Variants in NOXRED1 observed in about 807,000 individuals in gnomAD.
NOXRED1 encodes the protein NADP-dependent oxidoreductase domain-containing protein 1.
NOXRED1 carries 20 observed loss-of-function variants against 30.4 expected under a neutral mutation model. That is an observed-to-expected ratio of 0.66 (90% CI 0.46 to 0.96). NOXRED1 has a LOEUF of 0.96. NOXRED1 is among the 40% of genes least tolerant of loss of function. The pLI is 0.00. For synonymous variants in NOXRED1, 155 were observed against 168.0 expected, an observed-to-expected ratio of 0.92 and a Z score of 0.60; for missense variants, 374 against 428.0, an observed-to-expected ratio of 0.87 and a Z score of 1.11.
chr14:77,420,406 T>A, intron 1 of NOXRED1, among the ~76,000 whole-genome samples: 1 of 151,894 alleles, frequency 6.6e-6, no homozygotes, highest in East Asian at 1.9e-4. Context: ...AGAGACAGGG[T>A]CTCACTATGT....
At chr14:77,400,638 C>A (rs1313532404) in intron 5 of NOXRED1, among the ~76,000 whole-genome samples, 1 of 152,066 alleles carries the variant, frequency 6.6e-6, no homozygotes, top group African/African-American at 2.4e-5. Flanking sequence ...TTTTGATGAG[C>A]CTTTCACTGA....
intron 5 of NOXRED1, among the ~76,000 whole-genome samples, chr14:77,400,136 G>A (rs1396268890): frequency 6.6e-6 from 1 of 152,176 alleles, no homozygotes; most frequent in Non-Finnish European, 1.5e-5. Context: ...TAAAGTGAAG[G>A]AGAAATAAAG....
intron 2 of NOXRED1, among the ~76,000 whole-genome samples, chr14:77,408,417 A>C (rs1893477969): frequency 6.6e-6 from 1 of 151,706 alleles, no homozygotes; most frequent in African/African-American, 2.4e-5. Context: ...GTTGGCCTCA[A>C]ACCCCAGGAC....
intron 5 of NOXRED1, 31 bp downstream of exon 5, chr14:77,405,882 A>C: frequency 7.6e-7 from 1 of 1,319,344 alleles, no homozygotes; most frequent in Non-Finnish European, 1.1e-6. Context: ...TCTGGGAGAA[A>C]TGAGAATGGC....
intron 5 of NOXRED1, among the ~76,000 whole-genome samples, chr14:77,399,920 T>G (rs1434903166): frequency 3.3e-5 from 5 of 151,704 alleles, no homozygotes; most frequent in Non-Finnish European, 5.9e-5. Context: ...CAAGAAACTA[T>G]ACCTAAACAT....
Position 77,405,924 on chromosome 14 carries a change from C to A in NOXRED1, c.894G>T (p.Leu298Phe), listed in dbSNP as rs779319748. 1.2e-6 allele frequency: 2 copies of A among 1,610,210 alleles called. No homozygotes were observed. The highest frequency in any genetic ancestry group is 1.7e-6 in the Non-Finnish European group (2 of 1,177,136). ...TCCAATGCCCTTACCTTTCCTGAGA[C>A]AAATTCTTGCCATAGGCTTTGCTGA... Reference protein sequence around the residue: ...DFVSKAYGKNLSQERPFPWFD... With the variant: ...DFVSKAYGKNFSQERPFPWFD... The change falls in exon 5 of 6, where the codon TTG becomes TTT. Residue 298 changes from leucine to phenylalanine, a missense_variant. Coordinates refer to ENST00000380835, the MANE Select transcript of NOXRED1 (RefSeq NM_001113475.3).
At chr14:77,421,507 G>A (rs1269177045) in intron 1 of NOXRED1, among the ~76,000 whole-genome samples, 1 of 152,036 alleles carries the variant, frequency 6.6e-6, no homozygotes, top group Non-Finnish European at 1.5e-5. Flanking sequence ...AGATAACTTG[G>A]CTTTTTAAGA....
chr14:77,406,616 CACACACACACACACACACAGAGAG>C (rs1566708588), intron 4 of NOXRED1, 84 bp downstream of exon 4: 1 of 955,148 alleles, frequency 1.0e-6, no homozygotes, highest in African/African-American at 2.0e-5. Flanking sequence ...CACACACACA[CACACACACACACACACACAGAGAG>C]AGAGAGATTG....
rs147249626 is a variant in NOXRED1 at position 77,397,685 on chromosome 14, A to G, written c.906-2880T>C. Among the ~76,000 whole-genome samples the G allele has an allele frequency of 3.1e-3, 475 of 152,176 alleles. 3 individuals carry two copies. The highest frequency in any genetic ancestry group is 0.011 in the African/African-American group (454 of 41,532). ...GCGGATCATTTGAGGTCAGGAGTTC[A>G]AGACCAGGCTGGCCAACATGGTGAA... On this transcript the variant is annotated intron_variant, in intron 5 of 5. Transcript: ENST00000380835.
chr14:77,414,621 A>G (rs1283334360), intron 1 of NOXRED1, among the ~76,000 whole-genome samples: 1 of 152,186 alleles, frequency 6.6e-6, no homozygotes, highest in Non-Finnish European at 1.5e-5. Flanking sequence ...GTTCCTCCTG[A>G]GTTAATTTTC....
intron 2 of NOXRED1, among the ~76,000 whole-genome samples, chr14:77,409,909 G>A (rs535405049): frequency 1.8e-4 from 28 of 151,666 alleles, no homozygotes; most frequent in Middle Eastern, 3.4e-3. Flanking sequence ...CTGGGTTCGA[G>A]CAATTCTCAT....
chr14:77,411,538 T>TA (rs894199905), intron 2 of NOXRED1, among the ~76,000 whole-genome samples: 5 of 151,080 alleles, frequency 3.3e-5, no homozygotes, highest in Admixed American at 6.6e-5. Flanking sequence ...GAAGTTAGAC[T>TA]AAAAAAACAC....
intron 2 of NOXRED1, among the ~76,000 whole-genome samples, chr14:77,413,477 T>C (rs1317782555): frequency 6.6e-6 from 1 of 152,134 alleles, no homozygotes; most frequent in Non-Finnish European, 1.5e-5. Context: ...GACCTCGTCA[T>C]CTGCCCGCCT....
chr14:77,410,889 C>A (rs1894630904), intron 2 of NOXRED1, among the ~76,000 whole-genome samples: 1 of 151,988 alleles, frequency 6.6e-6, no homozygotes, highest in Non-Finnish European at 1.5e-5. Context: ...AAAAGTATAC[C>A]TGAAAACCTT....
At chr14:77,413,021 T>C (rs1320694557) in intron 2 of NOXRED1, among the ~76,000 whole-genome samples, 1 of 152,158 alleles carries the variant, frequency 6.6e-6, no homozygotes, top group Non-Finnish European at 1.5e-5. Flanking sequence ...TTTTTTATTA[T>C]TGAAGTATAA....
chr14:77,405,761 G>A (rs1324083493), intron 5 of NOXRED1, among the ~76,000 whole-genome samples, 152 bp downstream of exon 5: 1 of 152,082 alleles, frequency 6.6e-6, no homozygotes, highest in Non-Finnish European at 1.5e-5. Context: ...GGCAAAGGAT[G>A]GCATTTACTT....
At chr14:77,400,133 A>G (rs1445138052) in intron 5 of NOXRED1, among the ~76,000 whole-genome samples, 10 of 152,190 alleles carry the variant, frequency 6.6e-5, no homozygotes. Flanking sequence ...TTCTAAAGTG[A>G]AGGAGAAATA....
Position 77,406,805 on chromosome 14 carries a change from C to A in NOXRED1, c.601G>T (p.Val201Phe). ...QYQYDEDSVS[V>F]WGANKGVIAA... The stretch of plus-strand genomic sequence containing the variant: ...ATGACTCCCTTATTGGCCCCCCAGA[C>A]GCTGACAGAATCTTCATCATACTGA... Residue 201 changes from valine to phenylalanine, a missense_variant, in exon 4 of 6, where the codon GTC (valine) becomes TTC (phenylalanine). Transcript: ENST00000380835. 1 of 1,613,974 alleles carries A rather than the reference C, an allele frequency of 6.2e-7. No homozygotes were observed.
intron 5 of NOXRED1, among the ~76,000 whole-genome samples, chr14:77,395,983 GAGAGA>G (rs1401078735): frequency 5.3e-5 from 8 of 152,036 alleles, no homozygotes; most frequent in Admixed American, 3.3e-4. Context: ...TCAGGAGGCT[GAGAGA>G]AGAGGATTGC....
Sources: allele counts gnomAD v4.1 joint callset (sites outside exome capture counted in the v4.1 genomes callset), GRCh38; gene constraint gnomAD v4.1.1; transcripts MANE v1.5; gene names NCBI Gene and HGNC (gene_info 2026-07-23, HGNC 2026-07-21).